RYR2: variants seen among roughly 807,000 people sequenced by gnomAD.
RYR2 encodes the protein ryanodine receptor 2.
A neutral mutation model predicts 601.1 loss-of-function variants in RYR2; 227 were observed. The observed-to-expected ratio is 0.38, with a 90% CI of 0.34 to 0.42. The LOEUF (loss-of-function observed/expected upper bound fraction) is 0.42. Among genes scored for constraint, RYR2 ranks in the 10% least tolerant of loss-of-function variants. The pLI is 1.00. For missense variants in RYR2, 4,646 were observed against 6,156.5 expected, an observed-to-expected ratio of 0.75 and a Z score of 8.21; for synonymous variants, 2,223 against 2,175.1, an observed-to-expected ratio of 1.02 and a Z score of -0.61.
At chr1:237,550,514 T>C in intron 26 of RYR2, 30 bp from the exon 27 acceptor site, 1 of 1,601,748 alleles carries the variant, frequency 6.2e-7, no homozygotes, top group Non-Finnish European at 8.5e-7. Context: ...TGGTATTGCT[T>C]TGACGGCTGC....
intron 101 of RYR2, among the ~76,000 whole-genome samples, chr1:237,821,459 C>T (rs1329957001): frequency 1.3e-5 from 2 of 152,054 alleles, no homozygotes; most frequent in Non-Finnish European, 2.9e-5. Flanking sequence ...AGCTAACAAA[C>T]AGAAAGGAAT....
At chr1:237,250,650 T>TGTA (rs1687365952) in intron 1 of RYR2, among the ~76,000 whole-genome samples, 1 of 152,142 alleles carries the variant, frequency 6.6e-6, no homozygotes, top group Admixed American at 6.5e-5. Flanking sequence ...GAAGAGAACT[T>TGTA]ATACATCCTT....
At chr1:237,626,134 C>T (rs1679622010) in intron 40 of RYR2, among the ~76,000 whole-genome samples, 1 of 152,132 alleles carries the variant, frequency 6.6e-6, no homozygotes, top group African/African-American at 2.4e-5. Flanking sequence ...GGTCGATTTT[C>T]AAATATTATT....
chr1:237,549,145 C>T (rs531364036), intron 26 of RYR2, among the ~76,000 whole-genome samples: 33 of 152,332 alleles, frequency 2.2e-4, no homozygotes, highest in African/African-American at 7.0e-4. Context: ...GTTCAGGTTT[C>T]ACCACTGAGT....
intron 63 of RYR2, among the ~76,000 whole-genome samples, chr1:237,693,211 T>G (rs1372636375): frequency 1.3e-5 from 2 of 152,094 alleles, no homozygotes; most frequent in African/African-American, 2.4e-5. Context: ...GAATCATGTT[T>G]TTTTTTTTTT....
At chr1:237,801,175 G>A (rs893644871) in intron 97 of RYR2, among the ~76,000 whole-genome samples, 1 of 130,080 alleles carries the variant, frequency 7.7e-6, no homozygotes, top group Non-Finnish European at 1.7e-5. Flanking sequence ...AAGTGCATAT[G>A]AAAGTGAGGA....
intron 1 of RYR2, among the ~76,000 whole-genome samples, chr1:237,242,106 A>G (rs1686237357): frequency 6.6e-6 from 1 of 152,202 alleles, no homozygotes; most frequent in Admixed American, 6.5e-5. Context: ...AACAAAGAAA[A>G]AGAGGAAAAG....
chr1:237,761,169 A>G, intron 84 of RYR2, 141 bp downstream of exon 84: 2 of 637,432 alleles, frequency 3.1e-6, no homozygotes, highest in Admixed American at 2.8e-5. Context: ...TTCAAAGTTC[A>G]TAGTTGGACA....
At chr1:237,670,193 G>T (rs1365210914) in intron 58 of RYR2, among the ~76,000 whole-genome samples, 2 of 151,058 alleles carry the variant, frequency 1.3e-5, no homozygotes, top group African/African-American at 2.4e-5. Context: ...GCAGGCTGAG[G>T]CAGGAGAATC....
At chr1:237,102,947 A>G (rs1668279368) in intron 1 of RYR2, among the ~76,000 whole-genome samples, 1 of 152,260 alleles carries the variant, frequency 6.6e-6, no homozygotes. Flanking sequence ...GATACAGTTC[A>G]GTCGTGTTAA....
chr1:237,062,512 T>A (rs1341111133), intron 1 of RYR2, among the ~76,000 whole-genome samples: 1 of 152,222 alleles, frequency 6.6e-6, no homozygotes, highest in Non-Finnish European at 1.5e-5. Context: ...TGCAAATGTA[T>A]CTTTAAAAAA....
intron 3 of RYR2, among the ~76,000 whole-genome samples, chr1:237,336,257 A>C (rs1386311433): frequency 6.6e-6 from 1 of 152,126 alleles, no homozygotes; most frequent in African/African-American, 2.4e-5. Flanking sequence ...TCATTTCAAA[A>C]TTTTTTCCAA....
chr1:237,621,402 A>T (rs1418541961), intron 38 of RYR2, among the ~76,000 whole-genome samples: 1 of 152,168 alleles, frequency 6.6e-6, no homozygotes, highest in Non-Finnish European at 1.5e-5. Context: ...GAAGTCACTA[A>T]TGTAGATAAT....
At chr1:237,723,586 T>C (rs750641255) in intron 74 of RYR2, among the ~76,000 whole-genome samples, 11 of 152,162 alleles carry the variant, frequency 7.2e-5, no homozygotes, top group South Asian at 2.1e-4. Context: ...TGATTTCAAA[T>C]ACTTTATGCA....
At chr1:237,668,253 A>C (rs1180735098) in intron 58 of RYR2, among the ~76,000 whole-genome samples, 1 of 151,696 alleles carries the variant, frequency 6.6e-6, no homozygotes, top group East Asian at 1.9e-4. Flanking sequence ...TCCCTCCCTG[A>C]CTCTCTTCCC....
chr1:237,285,895 G>A (rs2149399842), intron 2 of RYR2, among the ~76,000 whole-genome samples: 1 of 152,146 alleles, frequency 6.6e-6, no homozygotes, highest in African/African-American at 2.4e-5. Context: ...TTCTTAATGA[G>A]GTTATTTGGA....
intron 75 of RYR2, 113 bp downstream of exon 75, chr1:237,726,421 A>G (rs1459193727): frequency 4.3e-6 from 3 of 690,344 alleles, no homozygotes; most frequent in South Asian, 1.7e-5. Context: ...TCCAAACACT[A>G]TTAGTTATAT....
At chr1:237,818,943 T>G in intron 100 of RYR2, 93 bp from the exon 101 acceptor site, 2 of 1,096,328 alleles carry the variant, frequency 1.8e-6, no homozygotes, top group Non-Finnish European at 2.6e-6. Flanking sequence ...ATTTCCAGAG[T>G]GAGGATTAGG....
chr1:237,677,033 A>G (rs1362903208), intron 60 of RYR2, among the ~76,000 whole-genome samples: 4 of 152,266 alleles, frequency 2.6e-5, no homozygotes, highest in African/African-American at 2.4e-5. Flanking sequence ...TTAAAAAACC[A>G]TAATTTTCTT....
Sources: gnomAD v4.1 joint callset for allele counts (sites outside exome capture counted in the v4.1 genomes callset) on GRCh38, gnomAD v4.1.1 for gene constraint, MANE v1.5 for transcripts, NCBI Gene and HGNC (gene_info 2026-07-23, HGNC 2026-07-21) for gene names.